Variants in PCLO observed in about 807,000 individuals in gnomAD.
PCLO encodes protein piccolo.
A neutral mutation model predicts 427.5 loss-of-function variants in PCLO; 82 were observed. The ratio of observed to expected loss-of-function variants is 0.19; its 90% CI spans 0.16 to 0.23. The LOEUF (loss-of-function observed/expected upper bound fraction) is 0.23. PCLO is among the 10% of genes least tolerant of loss of function. The probability of loss-of-function intolerance (pLI) is 1.00; values close to 1 mark genes in which losing one functional copy is unlikely to be tolerated. For synonymous variants in PCLO, 2,357 were observed against 2,155.4 expected (o/e 1.09, Z -2.59); for missense variants, 6,239 against 6,115.9 (o/e 1.02, Z -0.67).
At chr7:82,900,319 G>T (rs115703361) in intron 9 of PCLO, among the ~76,000 whole-genome samples, 1 of 151,418 alleles carries the variant, frequency 6.6e-6, no homozygotes, top group Non-Finnish European at 1.5e-5. Context: ...GAAATACCCC[G>T]TTTGTTGTAT....
At chr7:82,857,575 A>G (rs537106535) in intron 10 of PCLO, among the ~76,000 whole-genome samples, 10 of 152,136 alleles carry the variant, frequency 6.6e-5, no homozygotes, top group African/African-American at 2.4e-4. Flanking sequence ...CACCATCTCC[A>G]CTGTACATAG....
chr7:83,065,731 T>TA (rs1346475257), intron 3 of PCLO, among the ~76,000 whole-genome samples: 1 of 151,392 alleles, frequency 6.6e-6, no homozygotes, highest in Admixed American at 6.6e-5. Context: ...AGAAGAAAAA[T>TA]AAAAAACAGG....
At chr7:82,821,289 G>A in intron 20 of PCLO, 1 of 986,376 alleles carries the variant, frequency 1.0e-6, no homozygotes, top group Non-Finnish European at 1.2e-6. Flanking sequence ...CCGCTTTTAT[G>A]TGCTGCTGTG....
intron 2 of PCLO, among the ~76,000 whole-genome samples, chr7:83,142,518 G>A (rs1207269626): frequency 6.6e-6 from 1 of 152,030 alleles, no homozygotes; most frequent in Admixed American, 6.6e-5. Flanking sequence ...CCTTTGTCAT[G>A]TATTATTCCA....
intron 3 of PCLO, among the ~76,000 whole-genome samples, chr7:83,033,456 A>G (rs1210124014): frequency 1.3e-5 from 2 of 152,162 alleles, no homozygotes. Flanking sequence ...CTCAAGTAGG[A>G]CTACCTAAAT....
chr7:83,015,814 T>C (rs1788192591), intron 3 of PCLO, among the ~76,000 whole-genome samples: 1 of 152,158 alleles, frequency 6.6e-6, no homozygotes, highest in South Asian at 2.1e-4. Flanking sequence ...TCCTACAACA[T>C]TACACGTTCT....
At position 82,902,611 on chromosome 7, in the gene PCLO, A is replaced by G. The variant is rs190995399; in HGVS notation, c.13528+40T>C. 3.2e-6 allele frequency: 4 copies of G among 1,243,744 alleles called. No homozygotes were observed. The East Asian group carries it at 9.6e-5, about 30-fold the overall frequency. 77.0% of individuals were successfully genotyped at this position (1,243,744 alleles called of 1,614,324 possible). The stretch of plus-strand genomic sequence containing the variant: ...ATGCAAAACAAAACAAAACAAAACA[A>G]AAAAACAAAAAAAATATTAGATTAT... On this transcript the variant is annotated intron_variant, in intron 9 of 24. Coordinates refer to ENST00000333891, the MANE Select transcript of PCLO (RefSeq NM_033026.6).
Position 82,954,020 on chromosome 7 carries a change from T to C in PCLO, c.6933A>G (p.Gly2311=), listed in dbSNP as rs1795439763. ...VKKAKKETGN[G]IILEVLEAYR... Reference sequence around the variant, plus strand: ...AAGCTTCCAAAACTTCCAGAATGATTCCATTCCCAGTTTCCTTCTTGGCTT... The same window carrying C: ...AAGCTTCCAAAACTTCCAGAATGATCCCATTCCCAGTTTCCTTCTTGGCTT... Residue 2311 remains glycine, a synonymous_variant, in exon 5 of 25, where the codon GGA becomes GGG. Transcript: ENST00000333891. 1 of 1,613,906 alleles carries C rather than the reference T, an allele frequency of 6.2e-7. No individual in the cohort carries two copies. The highest frequency in any genetic ancestry group is 8.5e-7 in the Non-Finnish European group (1 of 1,179,856).
At chr7:82,947,342 TAAC>T (rs767101460) in intron 6 of PCLO, among the ~76,000 whole-genome samples, 1 of 152,286 alleles carries the variant, frequency 6.6e-6, no homozygotes, top group East Asian at 1.9e-4. Flanking sequence ...CTGTGAAAAT[TAAC>T]AACCTGTAAA....
At chr7:83,007,467 T>C (rs527280652) in intron 3 of PCLO, among the ~76,000 whole-genome samples, 1 of 151,620 alleles carries the variant, frequency 6.6e-6, no homozygotes, top group South Asian at 2.1e-4. Flanking sequence ...GTACTATATA[T>C]TTTATAGCTA....
intron 13 of PCLO, among the ~76,000 whole-genome samples, chr7:82,844,883 C>T (rs1438330711): frequency 2.0e-5 from 3 of 152,080 alleles, no homozygotes; most frequent in Non-Finnish European, 4.4e-5. Flanking sequence ...TTCTTTATCA[C>T]TGTGTCCTTT....
chr7:82,887,182 G>T (rs72612643), intron 9 of PCLO, among the ~76,000 whole-genome samples: 21,671 of 152,094 alleles, frequency 0.14, 2,144 homozygotes, highest in East Asian at 0.48. Context: ...CAACAAAGCA[G>T]CTGAGACTGC....
Position 82,760,666 on chromosome 7 carries a change from A to G in PCLO, c.15261T>C (p.Ser5087=), listed in dbSNP as rs760322872. ...GAAGAGAATGTCCTGCAGGACTTAG[A>G]CTGAATCGAAAAGTTTCATTAAACG... ...EPSFNETFRF[S]LSPAGHSLQI... is the part of the protein sequence containing the mutation. The change falls in exon 24 of 25, where the codon AGT becomes AGC. Residue 5087 remains serine (S), a synonymous_variant. Coordinates refer to ENST00000333891, the MANE Select transcript of PCLO (RefSeq NM_033026.6). 4 of 1,606,050 alleles carry G rather than the reference A, an allele frequency of 2.5e-6. No individual in the cohort carries two copies. Among genetic ancestry groups the G allele is most frequent in the Non-Finnish European group, 3.4e-6 (4 of 1,176,128 alleles).
chr7:82,865,901 G>GT lies in PCLO; in HGVS notation c.13654+13435dup, dbSNP rs541211299. ...CTTTAAAACTATTCTTAATACAGCA[G>GT]TAAGAGTGATCCTATTTAAACGTCA... On this transcript the variant is annotated intron_variant, in intron 10 of 24. Transcript: ENST00000333891. Among the ~76,000 whole-genome samples the GT allele has an allele frequency of 1.3e-3, 193 of 152,166 alleles. 2 individuals are homozygous for GT. The highest frequency in any genetic ancestry group is 4.3e-3 in the African/African-American group (179 of 41,516).
At chr7:82,899,657 A>T (rs1450776407) in intron 9 of PCLO, among the ~76,000 whole-genome samples, 1 of 151,552 alleles carries the variant, frequency 6.6e-6, no homozygotes, top group Non-Finnish European at 1.5e-5. Flanking sequence ...TTGTCCAAAA[A>T]AATAACATTT....
intron 9 of PCLO, among the ~76,000 whole-genome samples, chr7:82,899,024 T>TA (rs1284930160): frequency 6.6e-6 from 1 of 151,412 alleles, no homozygotes; most frequent in East Asian, 1.9e-4. Flanking sequence ...AGAACAATGC[T>TA]AAGACAGTTG....
intron 3 of PCLO, among the ~76,000 whole-genome samples, chr7:82,996,897 T>C (rs922945670): frequency 1.3e-5 from 2 of 151,984 alleles, no homozygotes; most frequent in Admixed American, 1.3e-4. Flanking sequence ...TTTTATCTGG[T>C]GTTTAGTGGA....
intron 6 of PCLO, among the ~76,000 whole-genome samples, chr7:82,937,650 A>G (rs1794987586): frequency 6.6e-6 from 1 of 151,638 alleles, no homozygotes; most frequent in African/African-American, 2.4e-5. Flanking sequence ...AAAAGAAATC[A>G]ATAGTTTTTT....
intron 1 of PCLO, 97 bp downstream of exon 1, chr7:83,162,248 C>T: frequency 7.3e-7 from 1 of 1,377,552 alleles, no homozygotes; most frequent in Non-Finnish European, 9.7e-7. Context: ...ACGGAGGCGA[C>T]ATATATGTAC....
Sources: allele counts gnomAD v4.1 joint callset (sites outside exome capture counted in the v4.1 genomes callset), GRCh38; gene constraint gnomAD v4.1.1; transcripts MANE v1.5; gene names NCBI Gene and HGNC (gene_info 2026-07-23, HGNC 2026-07-21).